CWC27: variants seen among roughly 807,000 people sequenced by gnomAD.
The protein encoded by CWC27 is spliceosome-associated protein CWC27 homolog.
A neutral mutation model predicts 63.6 loss-of-function variants in CWC27; 47 were observed. The ratio of observed to expected loss-of-function variants is 0.74; its 90% CI spans 0.58 to 0.94. The LOEUF is 0.94. Among genes scored for constraint, CWC27 ranks in the 40% least tolerant of loss-of-function variants. The probability of loss-of-function intolerance (pLI) is 0.00; values close to 1 mark genes in which losing one functional copy is unlikely to be tolerated. For synonymous variants in CWC27, 175 were observed against 179.8 expected (o/e 0.97, Z 0.22); for missense variants, 495 against 554.3 (o/e 0.89, Z 1.07).
At chr5:64,799,412 C>G (rs570758625) in intron 7 of CWC27, among the ~76,000 whole-genome samples, 19 of 151,970 alleles carry the variant, frequency 1.3e-4, no homozygotes, top group African/African-American at 4.6e-4. Flanking sequence ...ATGGTGAAAC[C>G]CTGTCTCTAC....
intron 11 of CWC27, among the ~76,000 whole-genome samples, chr5:64,892,054 C>A (rs758839535): frequency 6.6e-6 from 1 of 152,148 alleles, no homozygotes; most frequent in African/African-American, 2.4e-5. Flanking sequence ...CTCAGCCTCC[C>A]GAAGTGCTGG....
intron 10 of CWC27, among the ~76,000 whole-genome samples, chr5:64,806,431 G>A (rs969251590): frequency 2.6e-5 from 4 of 152,126 alleles, no homozygotes; most frequent in African/African-American, 7.2e-5. Context: ...TTGGCAAAGT[G>A]TGCCTTTGTA....
intron 11 of CWC27, among the ~76,000 whole-genome samples, chr5:64,960,778 A>C (rs1748891524): frequency 7.3e-6 from 1 of 136,690 alleles, no homozygotes; most frequent in Non-Finnish European, 1.7e-5. Flanking sequence ...ATAGCCACTC[A>C]GTACACTTCT....
At chr5:64,838,411 T>C (rs1308225804) in intron 10 of CWC27, among the ~76,000 whole-genome samples, 3 of 152,164 alleles carry the variant, frequency 2.0e-5, no homozygotes, top group Admixed American at 6.6e-5. Flanking sequence ...AATATACAGA[T>C]AGGGTTCCTG....
chr5:64,908,077 A>G (rs1747698996), intron 11 of CWC27, among the ~76,000 whole-genome samples: 1 of 152,216 alleles, frequency 6.6e-6, no homozygotes, highest in Admixed American at 6.5e-5. Flanking sequence ...AGATTCTGGT[A>G]CATTGCGTCT....
chr5:64,908,823 T>C (rs746615131), intron 11 of CWC27, among the ~76,000 whole-genome samples: 5 of 152,244 alleles, frequency 3.3e-5, no homozygotes, highest in Non-Finnish European at 5.9e-5. Flanking sequence ...CTGATGGGTC[T>C]TGACTCTTTA....
intron 1 of CWC27, among the ~76,000 whole-genome samples, chr5:64,772,365 C>T (rs1243419216): frequency 2.0e-5 from 3 of 151,856 alleles, no homozygotes; most frequent in African/African-American, 7.3e-5. Flanking sequence ...GTGGCTCATG[C>T]CTATAATCCC....
intron 13 of CWC27, among the ~76,000 whole-genome samples, chr5:64,993,374 A>G (rs1381689811): frequency 6.6e-6 from 1 of 152,192 alleles, no homozygotes; most frequent in Non-Finnish European, 1.5e-5. Flanking sequence ...AATTTACTTC[A>G]GTTATGTTAT....
chr5:64,838,558 A>C (rs571193093), intron 10 of CWC27, among the ~76,000 whole-genome samples: 2 of 152,202 alleles, frequency 1.3e-5, no homozygotes, highest in African/African-American at 4.8e-5. Flanking sequence ...GCTTCCTTTT[A>C]AGGGAATGTT....
At chr5:64,930,566 G>A (rs529693179) in intron 11 of CWC27, among the ~76,000 whole-genome samples, 19 of 152,140 alleles carry the variant, frequency 1.2e-4, no homozygotes, top group Non-Finnish European at 2.4e-4. Context: ...TGTGAAGAGA[G>A]TGGTGGAATT....
rs548749172 is a variant in CWC27 at position 64,853,063 on chromosome 5, G to C, written c.939-32380G>C. On this transcript the variant is annotated intron_variant, in intron 10 of 13. Transcript: ENST00000381070. ...AAGTATTCACATGAAAGAAGGACTT[G>C]GTTATTTCTATTCTCTCTAGGGTTC... Among the ~76,000 whole-genome samples, 3 of 152,188 alleles carry C rather than the reference G, an allele frequency of 2.0e-5. 1 individual carries two copies. The South Asian group carries it at 6.2e-4, about 32-fold the overall frequency.
chr5:64,932,997 T>A (rs1429260514), intron 11 of CWC27, among the ~76,000 whole-genome samples: 1 of 152,232 alleles, frequency 6.6e-6, no homozygotes. Context: ...TTAAATTAAG[T>A]GTAAAATTAT....
intron 2 of CWC27, among the ~76,000 whole-genome samples, chr5:64,777,229 T>G (rs758520510): frequency 6.6e-6 from 1 of 152,104 alleles, no homozygotes; most frequent in Non-Finnish European, 1.5e-5. Context: ...CTCATCATGG[T>G]CCACACTTCA....
At chr5:64,987,336 G>T (rs1453915424) in intron 13 of CWC27, among the ~76,000 whole-genome samples, 1 of 152,074 alleles carries the variant, frequency 6.6e-6, no homozygotes, top group Non-Finnish European at 1.5e-5. Flanking sequence ...GACGAATATA[G>T]AATTCTTACA....
chr5:64,922,071 G>A (rs1748008993), intron 11 of CWC27, among the ~76,000 whole-genome samples: 1 of 152,230 alleles, frequency 6.6e-6, no homozygotes, highest in East Asian at 1.9e-4. Context: ...CTTTCTAATT[G>A]TCTTTAAGAT....
chr5:64,799,083 C>T (rs1048365007), intron 7 of CWC27, among the ~76,000 whole-genome samples: 12 of 152,120 alleles, frequency 7.9e-5, no homozygotes, highest in Non-Finnish European at 1.0e-4. Context: ...TTTAGATTTT[C>T]GATATATGGG....
At chr5:64,786,660 G>T in intron 6 of CWC27, 33 bp downstream of exon 6, 1 of 1,272,182 alleles carries the variant, frequency 7.9e-7, no homozygotes, top group South Asian at 1.4e-5. Flanking sequence ...TCTTCAGCTT[G>T]AAAAATGACA....
Position 64,904,742 on chromosome 5 carries a change from A to G in CWC27, c.1042+19196A>G, listed in dbSNP as rs376793750. On this transcript the variant is annotated intron_variant, in intron 11 of 13. Transcript: ENST00000381070. The stretch of plus-strand genomic sequence containing the variant: ...TTAACTACCACAGATAGCAACCCAG[A>G]GTTCCAAAACGGACTGATAAACACA... Among the ~76,000 whole-genome samples, 159 of 152,368 alleles carry G rather than the reference A, an allele frequency of 1.0e-3. 1 individual carries two copies. Among genetic ancestry groups the G allele is most frequent in the African/African-American group, 3.7e-3 (153 of 41,592 alleles).
intron 12 of CWC27, among the ~76,000 whole-genome samples, chr5:64,974,256 G>A (rs931358168): frequency 6.6e-6 from 1 of 151,574 alleles, no homozygotes; most frequent in Non-Finnish European, 1.5e-5. Flanking sequence ...AAAAATGATA[G>A]GGTTTACTTT....
Sources: allele counts gnomAD v4.1 joint callset (sites outside exome capture counted in the v4.1 genomes callset), GRCh38; gene constraint gnomAD v4.1.1; transcripts MANE v1.5; gene names NCBI Gene and HGNC (gene_info 2026-07-23, HGNC 2026-07-21).